The following TRAPPC3L variants were observed in gnomAD, a reference collection of about 807,000 sequenced individuals.
TRAPPC3L encodes trafficking protein particle complex subunit 3L, also known as trafficking protein particle complex subunit 3-like protein.
In TRAPPC3L, 23 loss-of-function variants were observed where a neutral mutation model predicts 23.7. The ratio of observed to expected loss-of-function variants is 0.97; its 90% CI spans 0.70 to 1.37. The LOEUF (loss-of-function observed/expected upper bound fraction) is 1.37. Ranked by LOEUF, TRAPPC3L falls within the 40% of genes most tolerant of loss-of-function variation. The pLI, the probability that TRAPPC3L is intolerant of heterozygous loss-of-function variation, is 0.00. For missense variants in TRAPPC3L, 212 were observed against 216.8 expected, an observed-to-expected ratio of 0.98 and a Z score of 0.14; for synonymous variants, 81 against 77.9, an observed-to-expected ratio of 1.04 and a Z score of -0.21.
intron 3 of TRAPPC3L, among the ~76,000 whole-genome samples, chr6:116,538,411 T>C (rs1487296810): frequency 1.3e-5 from 2 of 152,268 alleles, no homozygotes; most frequent in Non-Finnish European, 2.9e-5. Context: ...TACTTCCAGT[T>C]GGTTACTGCT....
At chr6:116,530,080 C>G (rs1772604526) in intron 3 of TRAPPC3L, among the ~76,000 whole-genome samples, 1 of 151,796 alleles carries the variant, frequency 6.6e-6, no homozygotes, top group African/African-American at 2.4e-5. Context: ...GACTTAGACC[C>G]AGAATTGTGA....
Position 116,507,288 on chromosome 6 carries a change from C to A in TRAPPC3L, c.241-6622G>T, listed in dbSNP as rs1469875728. Among the ~76,000 whole-genome samples, 5 of 151,994 alleles carry A rather than the reference C, an allele frequency of 3.3e-5. No homozygotes were observed. In the East Asian group the frequency reaches 9.7e-4, roughly 29 times the overall value. On this transcript the variant is annotated intron_variant, in intron 3 of 4. Transcript: ENST00000368602. Reference sequence around the variant, plus strand: ...TTTGCCACAACAGTGTGGTGACAGTCAAAGCAGAGGATGCTAGGGGCAGAT... The same window carrying A: ...TTTGCCACAACAGTGTGGTGACAGTAAAAGCAGAGGATGCTAGGGGCAGAT...
chr6:116,498,667 G>A (rs562491591), intron 4 of TRAPPC3L, among the ~76,000 whole-genome samples: 2 of 152,270 alleles, frequency 1.3e-5, no homozygotes, highest in Non-Finnish European at 2.9e-5. Context: ...CTTTTACCAA[G>A]GCCCTTCTGG....
At chr6:116,538,210 A>G (rs9488959) in intron 3 of TRAPPC3L, among the ~76,000 whole-genome samples, 2,701 of 152,316 alleles carry the variant, frequency 0.018, 75 homozygotes, top group African/African-American at 0.061. Context: ...TGTTGCCCTC[A>G]GCGCTAATAA....
At chr6:116,536,188 G>T (rs1312205155) in intron 3 of TRAPPC3L, among the ~76,000 whole-genome samples, 1 of 152,054 alleles carries the variant, frequency 6.6e-6, no homozygotes, top group Non-Finnish European at 1.5e-5. Flanking sequence ...TTTTAAAAAT[G>T]GATGAATTTT....
intron 3 of TRAPPC3L, among the ~76,000 whole-genome samples, chr6:116,533,099 C>T (rs1772843231): frequency 6.6e-6 from 1 of 152,186 alleles, no homozygotes; most frequent in South Asian, 2.1e-4. Context: ...CCTTGCATAT[C>T]ACCACCTTGG....
At chr6:116,515,262 A>G (rs1357749531) in intron 3 of TRAPPC3L, among the ~76,000 whole-genome samples, 1 of 152,114 alleles carries the variant, frequency 6.6e-6, no homozygotes. Flanking sequence ...TGCACAGAAT[A>G]TTTTCCTATC....
chr6:116,534,989 A>G (rs1772986372), intron 3 of TRAPPC3L, among the ~76,000 whole-genome samples: 1 of 152,164 alleles, frequency 6.6e-6, no homozygotes, highest in Non-Finnish European at 1.5e-5. Flanking sequence ...CCTCAGAGTA[A>G]TCATCATATT....
intron 3 of TRAPPC3L, among the ~76,000 whole-genome samples, chr6:116,506,394 G>A (rs560485334): frequency 3.3e-5 from 5 of 152,302 alleles, no homozygotes; most frequent in Admixed American, 2.0e-4. Flanking sequence ...GGAGAAGTAG[G>A]AACACTTTTA....
intron 3 of TRAPPC3L, among the ~76,000 whole-genome samples, chr6:116,506,738 G>A (rs890164105): frequency 4.6e-5 from 7 of 152,084 alleles, no homozygotes; most frequent in Non-Finnish European, 1.0e-4. Flanking sequence ...GCTGGAAACC[G>A]TCATTCTCAA....
At chr6:116,541,439 C>T (rs1262311375) in intron 2 of TRAPPC3L, among the ~76,000 whole-genome samples, 1 of 152,148 alleles carries the variant, frequency 6.6e-6, no homozygotes. Context: ...CCCAACAAGA[C>T]ACCACAGTGT....
At chr6:116,503,458 C>G (rs1054162653) in intron 3 of TRAPPC3L, among the ~76,000 whole-genome samples, 1 of 152,128 alleles carries the variant, frequency 6.6e-6, no homozygotes, top group African/African-American at 2.4e-5. Context: ...CAATATTAGA[C>G]AGATCAACGA....
chr6:116,502,440 GA>G (rs1771932536), intron 3 of TRAPPC3L, among the ~76,000 whole-genome samples: 1 of 152,214 alleles, frequency 6.6e-6, no homozygotes, highest in Non-Finnish European at 1.5e-5. Flanking sequence ...AACCAAGTTA[GA>G]AAACACTCTT....
chr6:116,536,975 G>C (rs1024416421), intron 3 of TRAPPC3L, among the ~76,000 whole-genome samples: 2 of 152,198 alleles, frequency 1.3e-5, no homozygotes, highest in African/African-American at 4.8e-5. Context: ...GCTTCAGTGG[G>C]CAGGTCCATA....
rs777640751 is a variant in TRAPPC3L, at chr6:116,496,859, C to T, written c.*95G>A. 9 of 1,407,912 alleles carry T rather than the reference C, an allele frequency of 6.4e-6. No individual in the cohort carries two copies. Among genetic ancestry groups the T allele is most frequent in the Non-Finnish European group, 8.3e-6 (9 of 1,079,854 alleles). The allele number at this position is 1,407,912 out of a possible 1,614,324, so 87.2% of individuals were successfully genotyped here. ...TGGCTGATTTATAAACCTTTCAAAG[C>T]TCATGCTATGAAGCAATTCAAAATT... On this transcript the variant is annotated 3_prime_UTR_variant, in exon 5 of 5. Coordinates refer to ENST00000368602, the MANE Select transcript of TRAPPC3L (RefSeq NM_001139444.3).
chr6:116,503,024 A>G (rs1771943272), intron 3 of TRAPPC3L, among the ~76,000 whole-genome samples: 1 of 152,180 alleles, frequency 6.6e-6, no homozygotes, highest in Non-Finnish European at 1.5e-5. Flanking sequence ...ACACATAACA[A>G]TATTAACCTT....
chr6:116,515,799 A>G, intron 3 of TRAPPC3L: 1 of 1,613,926 alleles, frequency 6.2e-7, no homozygotes, highest in Non-Finnish European at 8.5e-7. Flanking sequence ...TGTTTTTTTG[A>G]AAACAAGAGG....
At chr6:116,525,563 A>T (rs1278679220) in intron 3 of TRAPPC3L, among the ~76,000 whole-genome samples, 1 of 152,206 alleles carries the variant, frequency 6.6e-6, no homozygotes, top group African/African-American at 2.4e-5. Context: ...CTGGCCAGCT[A>T]TCTTTTTATA....
chr6:116,505,715 C>T (rs1368069318), intron 3 of TRAPPC3L, among the ~76,000 whole-genome samples: 2 of 152,144 alleles, frequency 1.3e-5, no homozygotes, highest in Non-Finnish European at 1.5e-5. Context: ...AATAACACCA[C>T]ACCTCTACAA....
Sources: allele counts gnomAD v4.1 joint callset (sites outside exome capture counted in the v4.1 genomes callset), GRCh38; gene constraint gnomAD v4.1.1; transcripts MANE v1.5; gene names NCBI Gene and HGNC (gene_info 2026-07-23, HGNC 2026-07-21).